The following NTM variants were observed in gnomAD, a reference collection of about 807,000 sequenced individuals.
NTM encodes the protein neurotrimin.
In NTM, 13 loss-of-function variants were observed where a neutral mutation model predicts 42.1. The observed-to-expected ratio is 0.31, with a 90% CI of 0.20 to 0.49. NTM has a LOEUF of 0.49. Among genes scored for constraint, NTM ranks in the 20% least tolerant of loss-of-function variants. NTM has a pLI of 0.99. For synonymous variants in NTM, 187 were observed against 179.2 expected, an observed-to-expected ratio of 1.04 and a Z score of -0.35; for missense variants, 373 against 452.8, an observed-to-expected ratio of 0.82 and a Z score of 1.60.
At chr11:132,307,627 A>T (rs761706741) in intron 4 of NTM, 62 bp from the exon 5 acceptor site, 193 of 1,601,456 alleles carry the variant, frequency 1.2e-4, no homozygotes, top group Non-Finnish European at 1.5e-4. Flanking sequence ...TTGTTTTCTA[A>T]GTGAACATGT....
intron 3 of NTM, among the ~76,000 whole-genome samples, chr11:132,153,873 T>C (rs1462445783): frequency 6.6e-6 from 1 of 152,170 alleles, no homozygotes; most frequent in Non-Finnish European, 1.5e-5. Context: ...TGTTTGAGGG[T>C]ATAAATGCTA....
At chr11:132,322,242 TAA>T (rs1183969347) in intron 7 of NTM, among the ~76,000 whole-genome samples, 4 of 152,098 alleles carry the variant, frequency 2.6e-5, no homozygotes, top group Non-Finnish European at 5.9e-5. Flanking sequence ...ACAAATTGGA[TAA>T]AGAGTCAAGA....
chr11:131,439,861 G>A (rs1734126508), intron 1 of NTM, among the ~76,000 whole-genome samples: 5 of 151,710 alleles, frequency 3.3e-5, no homozygotes, highest in Non-Finnish European at 7.4e-5. Context: ...TACCTCAGTT[G>A]GAAATGCAGA....
chr11:131,753,527 TGTG>T (rs1467566958), intron 1 of NTM, among the ~76,000 whole-genome samples: 1 of 151,350 alleles, frequency 6.6e-6, no homozygotes, highest in African/African-American at 2.5e-5. Context: ...ATTAAGAAAA[TGTG>T]GCACATATAC....
At chr11:132,110,763 G>A (rs748664674) in intron 2 of NTM, among the ~76,000 whole-genome samples, 5 of 151,974 alleles carry the variant, frequency 3.3e-5, no homozygotes, top group African/African-American at 1.2e-4. Flanking sequence ...GGCCAAGCAT[G>A]GTGGCTGATG....
intron 7 of NTM, among the ~76,000 whole-genome samples, chr11:132,317,929 C>T (rs1208001981): frequency 1.3e-5 from 2 of 152,128 alleles, no homozygotes; most frequent in East Asian, 1.9e-4. Flanking sequence ...AGAAAAGTAT[C>T]GTTAAATTCT....
At chr11:132,244,198 G>T (rs2090685628) in intron 4 of NTM, among the ~76,000 whole-genome samples, 1 of 152,160 alleles carries the variant, frequency 6.6e-6, no homozygotes, top group Non-Finnish European at 1.5e-5. Context: ...GGGATGGCCA[G>T]TCCCTCAGTC....
At chr11:132,171,715 A>G (rs1030188683) in intron 3 of NTM, among the ~76,000 whole-genome samples, 1 of 152,184 alleles carries the variant, frequency 6.6e-6, no homozygotes, top group African/African-American at 2.4e-5. Flanking sequence ...CAATTTTTGT[A>G]ATGATTAAAA....
At chr11:131,860,233 G>T (rs2046496141) in intron 1 of NTM, among the ~76,000 whole-genome samples, 1 of 152,194 alleles carries the variant, frequency 6.6e-6, no homozygotes, top group South Asian at 2.1e-4. Flanking sequence ...GTGTTTGGAG[G>T]GTCTCTGGAA....
chr11:131,677,870 A>G (rs2071704922), intron 1 of NTM, among the ~76,000 whole-genome samples: 1 of 152,098 alleles, frequency 6.6e-6, no homozygotes, highest in African/African-American at 2.4e-5. Context: ...GCCCTATAAC[A>G]CAGAGCCTTG....
intron 1 of NTM, among the ~76,000 whole-genome samples, chr11:131,488,299 C>T (rs865888161): frequency 6.6e-6 from 1 of 152,176 alleles, no homozygotes; most frequent in Admixed American, 6.5e-5. Flanking sequence ...GCATTCAGCT[C>T]GGAGCTCAGC....
intron 1 of NTM, among the ~76,000 whole-genome samples, chr11:131,887,549 G>A (rs75356309): frequency 2.5e-3 from 388 of 152,158 alleles, no homozygotes; most frequent in Non-Finnish European, 4.6e-3. Context: ...ATCTGATTCC[G>A]CTCTCCAATT....
chr11:132,312,850 GCCT>G (rs1407699381), intron 6 of NTM: 1 of 153,714 alleles, frequency 6.5e-6, no homozygotes, highest in Non-Finnish European at 1.5e-5. Flanking sequence ...TGTAAAAGTG[GCCT>G]GTGGCTGCAC....
chr11:131,371,198 C>A, intron 1 of NTM: 2 of 634,256 alleles, frequency 3.2e-6, no homozygotes, highest in Non-Finnish European at 3.9e-6. Flanking sequence ...CACAACGGAG[C>A]ACACATGTAA....
chr11:131,840,461 C>T (rs2044092134), intron 1 of NTM, among the ~76,000 whole-genome samples: 1 of 152,008 alleles, frequency 6.6e-6, no homozygotes, highest in African/African-American at 2.4e-5. Context: ...GTCTGAGGAT[C>T]GACCATGAGA....
At chr11:131,538,244 C>T (rs2052589265) in intron 1 of NTM, 1 of 152,208 alleles carries the variant, frequency 6.6e-6, no homozygotes, top group Non-Finnish European at 1.5e-5. Context: ...AATGTTACAG[C>T]TGGAAGCCCT....
intron 2 of NTM, among the ~76,000 whole-genome samples, chr11:132,058,622 T>A (rs1356376956): frequency 4.6e-5 from 7 of 152,180 alleles, no homozygotes; most frequent in Non-Finnish European, 1.0e-4. Context: ...CTATTCTTAG[T>A]ATGTTTCTCT....
intron 1 of NTM, among the ~76,000 whole-genome samples, chr11:131,550,923 C>T (rs1308918382): frequency 7.2e-5 from 11 of 152,158 alleles, no homozygotes; most frequent in Admixed American, 6.5e-4. Context: ...CCAAGTGTTA[C>T]GTAGTTTGTT....
chr11:131,852,452 A>G (rs1481206553), intron 1 of NTM, among the ~76,000 whole-genome samples: 3 of 152,154 alleles, frequency 2.0e-5, no homozygotes, highest in Non-Finnish European at 4.4e-5. Flanking sequence ...TGCATTTTGA[A>G]CTGTTCCTTT....
Sources: gnomAD v4.1 joint callset for allele counts (sites outside exome capture counted in the v4.1 genomes callset) on GRCh38, gnomAD v4.1.1 for gene constraint, MANE v1.5 for transcripts, NCBI Gene and HGNC (gene_info 2026-07-23, HGNC 2026-07-21) for gene names.